Variants in DNHD1 observed in about 807,000 individuals in gnomAD.
DNHD1 encodes dynein heavy chain domain 1.
DNHD1 carries 383 observed loss-of-function variants against 458.1 expected under a neutral mutation model. The observed-to-expected ratio is 0.84, with a 90% CI of 0.77 to 0.91. DNHD1 has a LOEUF of 0.91. DNHD1 is among the 40% of genes least tolerant of loss of function. The pLI is 0.00. For synonymous variants in DNHD1, 2,203 were observed against 2,376.9 expected (o/e 0.93, Z 2.13); for missense variants, 5,336 against 5,866.1 (o/e 0.91, Z 2.95).
chr11:6,534,151 C>T lies in DNHD1; in HGVS notation c.2976C>T (p.His992=). The change falls in exon 14 of 43, where the codon CAC becomes CAT. Residue 992 remains histidine (H), a synonymous_variant. Transcript: ENST00000254579. ...QNTVSDLSEL[H]HAYAIFTEDE... ...CAGTCAGCGACCTCAGTGAACTGCA[C>T]CACGCCTATGCCATCTTCACTGGTA... 2 of 1,551,166 alleles carry T rather than the reference C, an allele frequency of 1.3e-6. No homozygotes were observed. Among genetic ancestry groups the T allele is most frequent in the East Asian group, 2.4e-5 (1 of 40,892 alleles).
At chr11:6,506,103 T>C (rs1852224858) in intron 4 of DNHD1, among the ~76,000 whole-genome samples, 1 of 152,220 alleles carries the variant, frequency 6.6e-6, no homozygotes, top group African/African-American at 2.4e-5. Context: ...AGGAAACCCA[T>C]TGCAGTGAGT....
At chr11:6,522,297 T>A (rs1265512791) in intron 10 of DNHD1, among the ~76,000 whole-genome samples, 1 of 152,204 alleles carries the variant, frequency 6.6e-6, no homozygotes, top group Non-Finnish European at 1.5e-5. Flanking sequence ...GGTTGTCTGT[T>A]TACTCTGTTG....
rs1224116576 is a variant in DNHD1 at position 6,547,253 on chromosome 11, T to G, written c.6314T>G (p.Leu2105Arg). 6.4e-7 allele frequency: 1 copy of G among 1,551,652 alleles called. No homozygotes were observed. The highest frequency in any genetic ancestry group is 1.4e-5 in the African/African-American group (1 of 73,044). ...TCCATCACTTGCCTCCTGAGTGAGC[T>G]TCCCCAGCTTAGTCTCCCCAGTGGA... ...LDSITCLLSE[L>R]PQLSLPSGQQ... is the part of the protein sequence containing the mutation. The change falls in exon 21 of 43, where the codon CTT becomes CGT. Residue 2105 changes from leucine (L) to arginine (R), a missense_variant. Physicochemically the swap from Leu to Arg is moderately radical, Grantham distance 102 (BLOSUM62 -2). Coordinates refer to ENST00000254579, the MANE Select transcript of DNHD1 (RefSeq NM_144666.3).
Position 6,538,478 on chromosome 11 carries a change from A to G in DNHD1, c.3094A>G (p.Ile1032Val). 6.4e-7 allele frequency: 1 copy of G among 1,551,776 alleles called. No individual in the cohort carries two copies. The highest frequency in any genetic ancestry group is 1.2e-5 in the South Asian group (1 of 84,068). Residue 1032 changes from isoleucine to valine, a missense_variant, in exon 15 of 43, where the codon ATC becomes GTC. Coordinates refer to ENST00000254579, the MANE Select transcript of DNHD1 (RefSeq NM_144666.3). ...WHLYRVISEN[I>V]SEWKCMAFAK... is the part of the protein sequence containing the mutation. ...CCTGTACCGAGTCATCTCCGAAAAC[A>G]TCAGCGAGTGGAAGTGCATGGCTTT... is the stretch of plus-strand genomic sequence containing the variant.
intron 7 of DNHD1, among the ~76,000 whole-genome samples, chr11:6,515,219 CA>C (rs1852437255): frequency 6.6e-6 from 1 of 152,164 alleles, no homozygotes; most frequent in Admixed American, 6.5e-5. Context: ...CTGTATATGT[CA>C]GTATGTTTTT....
At chr11:6,538,093 C>T (rs776861380) in intron 14 of DNHD1, among the ~76,000 whole-genome samples, 12 of 152,152 alleles carry the variant, frequency 7.9e-5, no homozygotes, top group Non-Finnish European at 1.5e-4. Context: ...CATAGTAAAG[C>T]GTCCAGTGTC....
At position 6,566,958 on chromosome 11, in the gene DNHD1, C is replaced by T. The variant is rs758134512; in HGVS notation, c.11449C>T (p.Arg3817Trp). ...PKRQKPAKFLRNIVRAQGKLC... is the reference protein window; with the variant it reads ...PKRQKPAKFLWNIVRAQGKLC... The stretch of plus-strand genomic sequence containing the variant: ...GCGTCAGAAGCCAGCCAAGTTTCTG[C>T]GGAACATAGTGAGGGCCCAAGGAAA... Residue 3817 changes from arginine (R) to tryptophan (W), a missense_variant, in exon 36 of 43, where the codon CGG (arginine) becomes TGG (tryptophan). Arg to Trp is a moderately radical substitution (Grantham distance 101, BLOSUM62 -3). Transcript: ENST00000254579. The T allele has an allele frequency of 7.4e-6, 12 of 1,613,730 alleles. No individual in the cohort carries two copies. Among genetic ancestry groups the T allele is most frequent in the African/African-American group, 4.0e-5 (3 of 74,918 alleles).
chr11:6,526,087 A>T (rs1852706363), intron 10 of DNHD1, among the ~76,000 whole-genome samples: 1 of 151,786 alleles, frequency 6.6e-6, no homozygotes, highest in South Asian at 2.1e-4. Context: ...GATCCTTATC[A>T]CCCATCCCCA....
intron 12 of DNHD1, 122 bp from the exon 13 acceptor site, chr11:6,532,905 T>A: frequency 1.1e-6 from 1 of 909,328 alleles, no homozygotes; most frequent in East Asian, 2.6e-5. Context: ...TCAACAAGCA[T>A]TAAATGAGAT....
In DNHD1 at chr11:6,559,110, A is replaced by G; in HGVS notation, c.9416+4A>G. The G allele has an allele frequency of 6.4e-7, 1 of 1,551,696 alleles. No homozygotes were observed. The highest frequency in any genetic ancestry group is 8.7e-7 in the Non-Finnish European group (1 of 1,146,988). ...AGATTAAGAACAAGGCCCAGCGGTG[A>G]GTGTCCCGTCCCCTGCAGTGTACCT... On this transcript the variant is annotated splice_donor_region_variant and intron_variant, in intron 27 of 42. Transcript: ENST00000254579.
rs1006727122 is a variant in DNHD1, at chr11:6,525,408, A to G, written c.1838-3114A>G. On this transcript the variant is annotated intron_variant, in intron 10 of 42. Transcript: ENST00000254579. ...GGAATAGCTATTGAGTAATCAACCAATGTACCTTCAGAGTTCCATTCTTCA... is the reference window on the plus strand; with the variant it reads ...GGAATAGCTATTGAGTAATCAACCAGTGTACCTTCAGAGTTCCATTCTTCA... 4.6e-5 allele frequency among the ~76,000 whole-genome samples: 7 copies of G among 152,316 alleles called. No homozygotes were observed. The South Asian group carries it at 1.2e-3, about 27-fold the overall frequency.
At chr11:6,497,713 T>C (rs1346099071) in intron 2 of DNHD1, 46 bp downstream of exon 2, 1 of 160,376 alleles carries the variant, frequency 6.2e-6, no homozygotes, top group Non-Finnish European at 1.4e-5. Flanking sequence ...TGGGTGGCTA[T>C]GATTAGGGTG....
rs1455581818 is a variant in DNHD1, at chr11:6,547,915, C to T, written c.6780C>T (p.Ser2260=). The T allele has an allele frequency of 6.4e-7, 1 of 1,551,766 alleles. No homozygotes were observed. Among genetic ancestry groups the T allele is most frequent in the Non-Finnish European group, 8.7e-7 (1 of 1,147,050 alleles). ...PVAQSFRSSK[S]SFLNRSQVDS... ...CCCAAAGCTTCAGGTCTTCAAAAAG[C>T]AGCTTTCTAAACCGGTCCCAGGTTG... The change falls in exon 22 of 43, where the codon AGC becomes AGT. Residue 2260 remains serine, a synonymous_variant. Transcript: ENST00000254579.
chr11:6,565,092 T>C (rs1853670103), intron 32 of DNHD1, among the ~76,000 whole-genome samples: 1 of 152,228 alleles, frequency 6.6e-6, no homozygotes, highest in African/African-American at 2.4e-5. Flanking sequence ...AATATTTCTG[T>C]TGGCTCTGTT....
At chr11:6,540,589 C>T (rs532782322) in intron 18 of DNHD1, among the ~76,000 whole-genome samples, 1 of 152,288 alleles carries the variant, frequency 6.6e-6, no homozygotes, top group East Asian at 1.9e-4. Context: ...CACAATGGAG[C>T]ACCTTACTGA....
At chr11:6,499,965 AT>A (rs11361429) in intron 3 of DNHD1, among the ~76,000 whole-genome samples, 64,439 of 142,482 alleles carry the variant, frequency 0.45, 14,606 homozygotes, top group East Asian at 0.79. Flanking sequence ...CTAACTTTCG[AT>A]TTTTTTTTTT....
At chr11:6,529,224 C>A in intron 12 of DNHD1, 103 bp downstream of exon 12, 1 of 1,294,858 alleles carries the variant, frequency 7.7e-7, no homozygotes, top group Non-Finnish European at 1.1e-6. Context: ...TCGGTGCAGG[C>A]CTCTTATTGG....
chr11:6,509,344 T>A, intron 6 of DNHD1, 72 bp downstream of exon 6: 1 of 1,350,042 alleles, frequency 7.4e-7, no homozygotes, highest in Non-Finnish European at 1.0e-6. Flanking sequence ...GTATGTTTGT[T>A]GTAGAAAATC....
At chr11:6,539,549 G>T (rs899618895) in intron 17 of DNHD1, among the ~76,000 whole-genome samples, 1 of 152,194 alleles carries the variant, frequency 6.6e-6, no homozygotes, top group African/African-American at 2.4e-5. Context: ...TGGCAGCCCC[G>T]AAGTTGTGGG....
Sources: gnomAD v4.1 joint callset for allele counts (sites outside exome capture counted in the v4.1 genomes callset) on GRCh38, gnomAD v4.1.1 for gene constraint, MANE v1.5 for transcripts, NCBI Gene and HGNC (gene_info 2026-07-23, HGNC 2026-07-21) for gene names.